The following GALNT11 variants were observed in gnomAD, a reference collection of about 807,000 sequenced individuals.
The protein encoded by GALNT11 is polypeptide N-acetylgalactosaminyltransferase 11, also known as UDP-GalNAc:polypeptide N-acetylgalactosaminyltransferase 11.
Under a neutral mutation model 72.7 loss-of-function variants are expected in GALNT11, and 47 were observed. The ratio of observed to expected loss-of-function variants is 0.65; its 90% CI spans 0.51 to 0.82. The LOEUF is 0.82. Among genes scored for constraint, GALNT11 ranks in the 40% least tolerant of loss-of-function variants. The pLI is 0.00. For missense variants in GALNT11, 677 were observed against 778.4 expected (o/e 0.87, Z 1.55); for synonymous variants, 270 against 286.6 (o/e 0.94, Z 0.58).
At chr7:152,088,130 C>G (rs1036686018) in intron 1 of GALNT11, among the ~76,000 whole-genome samples, 1 of 152,080 alleles carries the variant, frequency 6.6e-6, no homozygotes, top group African/African-American at 2.4e-5. Flanking sequence ...ATAAATACTC[C>G]AAGGATTTCT....
intron 1 of GALNT11, among the ~76,000 whole-genome samples, chr7:152,055,673 T>G (rs185942628): frequency 2.8e-3 from 423 of 152,046 alleles, no homozygotes; most frequent in Non-Finnish European, 3.1e-3. Flanking sequence ...GAATTGGTGC[T>G]TATTACTATC....
chr7:152,107,274 C>A (rs534157504), intron 5 of GALNT11: 1 of 151,338 alleles, frequency 6.6e-6, no homozygotes, highest in African/African-American at 2.4e-5. Flanking sequence ...CAGTTCTGCT[C>A]ACATTTATCA....
chr7:152,045,684 G>T (rs1385810324), intron 1 of GALNT11, among the ~76,000 whole-genome samples: 1 of 151,556 alleles, frequency 6.6e-6, no homozygotes, highest in Non-Finnish European at 1.5e-5. Context: ...TTTTTTCATA[G>T]TCTGGCTAGT....
intron 8 of GALNT11, among the ~76,000 whole-genome samples, chr7:152,114,043 T>G (rs1191827182): frequency 6.6e-6 from 1 of 151,976 alleles, no homozygotes; most frequent in Non-Finnish European, 1.5e-5. Context: ...GGACTACGTG[T>G]GTGAGCCACT....
chr7:152,064,593 G>A (rs1418364943), intron 1 of GALNT11, among the ~76,000 whole-genome samples: 4 of 152,122 alleles, frequency 2.6e-5, no homozygotes, highest in Admixed American at 6.5e-5. Flanking sequence ...GTCTGGTACC[G>A]GTTGTTCCTC....
chr7:152,120,947 A>T lies in GALNT11; in HGVS notation c.1674A>T (p.Gly558=). Residue 558 remains glycine, a synonymous_variant, in exon 11 of 12, where the codon GGA becomes GGT. Coordinates refer to ENST00000430044, the MANE Select transcript of GALNT11 (RefSeq NM_022087.4). The stretch of plus-strand genomic sequence containing the variant: ...TCATGAAATGCCACGGGTCAGGAGG[A>T]TCCCAGCAGTGGACCTTTGGGGTGA... ...PRLMKCHGSG[G]SQQWTFGKNN... The T allele has an allele frequency of 6.2e-7, 1 of 1,614,016 alleles. No individual in the cohort carries two copies. Among genetic ancestry groups the T allele is most frequent in the Non-Finnish European group, 8.5e-7 (1 of 1,179,994 alleles).
intron 1 of GALNT11, among the ~76,000 whole-genome samples, chr7:152,084,910 A>T (rs937448476): frequency 2.0e-5 from 3 of 151,134 alleles, no homozygotes; most frequent in Non-Finnish European, 2.9e-5. Flanking sequence ...GGGTTCACAT[A>T]CCTGTAAAGG....
At chr7:152,086,419 A>C (rs2129028720) in intron 1 of GALNT11, among the ~76,000 whole-genome samples, 1 of 152,310 alleles carries the variant, frequency 6.6e-6, no homozygotes, top group Non-Finnish European at 1.5e-5. Flanking sequence ...GGATTTTATA[A>C]ATGTATATGT....
At chr7:152,037,355 A>C (rs1449878258) in intron 1 of GALNT11, among the ~76,000 whole-genome samples, 1 of 152,228 alleles carries the variant, frequency 6.6e-6, no homozygotes, top group Non-Finnish European at 1.5e-5. Context: ...CACTTCTGTC[A>C]AAAATGAGTT....
At chr7:152,063,368 C>T (rs1327064977) in intron 1 of GALNT11, among the ~76,000 whole-genome samples, 1 of 152,058 alleles carries the variant, frequency 6.6e-6, no homozygotes, top group Non-Finnish European at 1.5e-5. Context: ...CTTCATTAGT[C>T]TTGCTAGCGG....
intron 1 of GALNT11, among the ~76,000 whole-genome samples, chr7:152,078,333 C>T (rs2085107643): frequency 6.6e-6 from 1 of 152,130 alleles, no homozygotes; most frequent in African/African-American, 2.4e-5. Context: ...TCCTGAGTAT[C>T]TGGGATTACA....
chr7:152,058,400 T>A (rs1047056066), intron 1 of GALNT11, among the ~76,000 whole-genome samples: 54 of 152,110 alleles, frequency 3.6e-4, no homozygotes, highest in African/African-American at 1.2e-3. Context: ...GTTGGTGCCA[T>A]CTCGGCTCAC....
At chr7:152,057,054 G>A (rs1587051485) in intron 1 of GALNT11, among the ~76,000 whole-genome samples, 1 of 120,196 alleles carries the variant, frequency 8.3e-6, no homozygotes. Context: ...ACAGGGTTTT[G>A]CGATGTTGCC....
intron 1 of GALNT11, among the ~76,000 whole-genome samples, chr7:152,040,318 T>C (rs2082794500): frequency 6.6e-6 from 1 of 152,088 alleles, no homozygotes; most frequent in African/African-American, 2.4e-5. Context: ...GTGACATCCA[T>C]TTGCCAAAGA....
chr7:152,073,373 G>C (rs773973486), intron 1 of GALNT11, among the ~76,000 whole-genome samples: 5 of 152,052 alleles, frequency 3.3e-5, no homozygotes. Flanking sequence ...CTGTTTTTCA[G>C]CTTCCACATA....
chr7:152,113,064 C>T (rs2088417828), intron 7 of GALNT11, among the ~76,000 whole-genome samples, 182 bp from the exon 8 acceptor site: 1 of 152,186 alleles, frequency 6.6e-6, no homozygotes, highest in Admixed American at 6.5e-5. Flanking sequence ...TAAAGACAGA[C>T]AATTTCTAAC....
In GALNT11 at chr7:152,120,977, T is replaced by C. The variant is rs758458822; in HGVS notation, c.1695+9T>C. Reference sequence around the variant, plus strand: ...AGCAGTGGACCTTTGGGGTGAGGAGTGCTCGGTGATGTTGGGAGAATGCGC... The same window carrying C: ...AGCAGTGGACCTTTGGGGTGAGGAGCGCTCGGTGATGTTGGGAGAATGCGC... On this transcript the variant is annotated intron_variant, in intron 11 of 11. Transcript: ENST00000430044. 15 of 1,608,764 alleles carry C rather than the reference T, an allele frequency of 9.3e-6. No individual in the cohort carries two copies. Among genetic ancestry groups the C allele is most frequent in the Admixed American group, 1.7e-5 (1 of 58,416 alleles).
At chr7:152,074,790 C>G (rs1248802869) in intron 1 of GALNT11, among the ~76,000 whole-genome samples, 5 of 152,126 alleles carry the variant, frequency 3.3e-5, no homozygotes, top group Non-Finnish European at 7.3e-5. Flanking sequence ...GCTCTTCTCC[C>G]CTGTTATCTA....
At chr7:152,034,276 A>C (rs2082448638) in intron 1 of GALNT11, among the ~76,000 whole-genome samples, 1 of 152,156 alleles carries the variant, frequency 6.6e-6, no homozygotes, top group Non-Finnish European at 1.5e-5. Flanking sequence ...ATGGGATGTA[A>C]ATTGCAAACT....
Sources: gnomAD v4.1 joint callset for allele counts (sites outside exome capture counted in the v4.1 genomes callset) on GRCh38, gnomAD v4.1.1 for gene constraint, MANE v1.5 for transcripts, NCBI Gene and HGNC (gene_info 2026-07-23, HGNC 2026-07-21) for gene names.